Variants in MEIS2 observed in about 807,000 individuals in gnomAD.
The protein encoded by MEIS2 is homeobox protein Meis2.
Under a neutral mutation model 58.6 loss-of-function variants are expected in MEIS2, and 9 were observed. The ratio of observed to expected loss-of-function variants is 0.15; its 90% CI spans 0.09 to 0.27. The LOEUF (loss-of-function observed/expected upper bound fraction) is 0.27. Ranked by LOEUF, MEIS2 falls within the 10% of genes least tolerant of loss-of-function variation. The pLI, the probability that MEIS2 is intolerant of heterozygous loss-of-function variation, is 1.00. For synonymous variants in MEIS2, 221 were observed against 228.4 expected, an observed-to-expected ratio of 0.97 and a Z score of 0.29; for missense variants, 427 against 635.0, an observed-to-expected ratio of 0.67 and a Z score of 3.52.
At chr15:37,056,563 CA>C (rs1217079536) in intron 7 of MEIS2, among the ~76,000 whole-genome samples, 1 of 152,214 alleles carries the variant, frequency 6.6e-6, no homozygotes, top group East Asian at 1.9e-4. Context: ...CAGCCCCCGC[CA>C]GAAAGTTTTC....
Position 37,073,308 on chromosome 15 carries a change from G to A in MEIS2, c.754+10463C>T, listed in dbSNP as rs189591535. Among the ~76,000 whole-genome samples, 34 of 152,000 alleles carry A rather than the reference G, an allele frequency of 2.2e-4. 1 individual carries two copies. Among genetic ancestry groups the A allele is most frequent in the South Asian group, 4.1e-4 (2 of 4,824 alleles). On this transcript the variant is annotated intron_variant, in intron 7 of 11. Transcript: ENST00000561208. ...AGATCCACCTGCTTCCAAAACTGCC[G>A]TTTAATCTGCAACAAGCTCCCCCTA...
At chr15:37,007,922 A>G (rs1349675222) in intron 8 of MEIS2, among the ~76,000 whole-genome samples, 1 of 152,232 alleles carries the variant, frequency 6.6e-6, no homozygotes. Flanking sequence ...TTTTCAATAT[A>G]TAGCAAAACT....
chr15:36,901,301 C>T (rs2056458186), intron 9 of MEIS2: 1 of 152,208 alleles, frequency 6.6e-6, no homozygotes, highest in Non-Finnish European at 1.5e-5. Flanking sequence ...TCAAATTTCT[C>T]CATGTTTTCT....
Position 37,009,149 on chromosome 15 carries a change from C to T in MEIS2, c.900+27665G>A, listed in dbSNP as rs113788547. On this transcript the variant is annotated intron_variant, in intron 8 of 11. Coordinates refer to ENST00000561208, the MANE Select transcript of MEIS2 (RefSeq NM_170675.5). ...CTAAAAATACAAAAAATTAACCAGG[C>T]GTGGTGGCGGGCGCCTATAGTCCCA... 3.3e-5 allele frequency among the ~76,000 whole-genome samples: 5 copies of T among 151,998 alleles called. No homozygotes were observed. In the East Asian group the frequency reaches 5.8e-4, roughly 18 times the overall value.
intron 7 of MEIS2, among the ~76,000 whole-genome samples, chr15:37,083,448 T>C (rs1240906352): frequency 1.3e-5 from 2 of 152,198 alleles, no homozygotes; most frequent in Non-Finnish European, 2.9e-5. Flanking sequence ...TTCAAGCTAC[T>C]GCATCACAGC....
chr15:37,049,356 G>A (rs1222514270), intron 7 of MEIS2, among the ~76,000 whole-genome samples: 1 of 152,118 alleles, frequency 6.6e-6, no homozygotes, highest in East Asian at 1.9e-4. Context: ...CCTAAAATCG[G>A]CTGTGTTGAT....
chr15:36,963,366 C>G (rs562804104), intron 8 of MEIS2, among the ~76,000 whole-genome samples: 1 of 143,034 alleles, frequency 7.0e-6, no homozygotes, highest in African/African-American at 2.6e-5. Context: ...GGTGACAGTG[C>G]GAGACTCCAT....
intron 8 of MEIS2, among the ~76,000 whole-genome samples, chr15:36,980,819 T>C (rs935275508): frequency 1.3e-5 from 2 of 152,200 alleles, no homozygotes; most frequent in African/African-American, 4.8e-5. Flanking sequence ...TAAATTTTGG[T>C]ATGTGCCTAT....
At chr15:37,100,719 ATG>A (rs1207561297), upstream of MEIS2, among the ~76,000 whole-genome samples, 2 of 146,526 alleles carry the variant, frequency 1.4e-5, no homozygotes, top group East Asian at 2.1e-4. Flanking sequence ...GTGTGTGTGT[ATG>A]TGTGTGCGTG....
chr15:37,099,847 A>G lies in MEIS2; in HGVS notation c.-381T>C, dbSNP rs1365160870. 4.8e-6 allele frequency: 1 copy of G among 209,064 alleles called. No homozygotes were observed. Among genetic ancestry groups the G allele is most frequent in the Admixed American group, 5.6e-5 (1 of 17,712 alleles). 13.0% of individuals were successfully genotyped at this position (209,064 alleles called of 1,614,324 possible). A position where few individuals can be genotyped will look rare whatever the true frequency, so the allele number is the denominator to read the frequency against. ...AGAAAAAGAAGAAAAAGAAGAAAAA[A>G]ATTGTCAAGCCCCCGAACTGAAGGT... On this transcript the variant is annotated 5_prime_UTR_variant, in exon 1 of 12. Coordinates refer to ENST00000561208, the MANE Select transcript of MEIS2 (RefSeq NM_170675.5).
Position 36,890,049 on chromosome 15 carries a change from T to A in MEIS2, c.*2124A>T, listed in dbSNP as rs1449521550. The stretch of plus-strand genomic sequence containing the variant: ...TTCATTTATATAGAACCTCCATAAA[T>A]GCTGTCTGAAATGGAAAGATGGAAG... On this transcript the variant is annotated 3_prime_UTR_variant, in exon 12 of 12. Coordinates refer to ENST00000561208, the MANE Select transcript of MEIS2 (RefSeq NM_170675.5). 6.6e-6 allele frequency: 1 copy of A among 152,202 alleles called. No individual in the cohort carries two copies. The highest frequency in any genetic ancestry group is 1.9e-4 in the East Asian group (1 of 5,196). The allele number at this position is 152,202 out of a possible 1,614,324, so 9.4% of individuals were successfully genotyped here.
intron 8 of MEIS2, among the ~76,000 whole-genome samples, chr15:36,962,436 C>A (rs1313357783): frequency 6.6e-6 from 1 of 152,128 alleles, no homozygotes; most frequent in Non-Finnish European, 1.5e-5. Flanking sequence ...ATAACCTATG[C>A]ACATCCTCCT....
At chr15:36,893,092 TC>T (rs1002421825) in intron 11 of MEIS2, among the ~76,000 whole-genome samples, 1 of 151,814 alleles carries the variant, frequency 6.6e-6, no homozygotes, top group Non-Finnish European at 1.5e-5. Context: ...TCTCTGAAAA[TC>T]CCCCCAAATA....
chr15:36,948,092 C>A (rs1030425544), intron 9 of MEIS2, among the ~76,000 whole-genome samples: 2 of 151,680 alleles, frequency 1.3e-5, no homozygotes, highest in Non-Finnish European at 2.9e-5. Flanking sequence ...AGACTTGGAC[C>A]CGAGGGCAGG....
At chr15:36,979,187 C>T (rs2059852278) in intron 8 of MEIS2, among the ~76,000 whole-genome samples, 1 of 152,012 alleles carries the variant, frequency 6.6e-6, no homozygotes, top group African/African-American at 2.4e-5. Context: ...TTGTTTTGTA[C>T]ATAAAATTAT....
chr15:36,959,807 C>T (rs1268221504), intron 8 of MEIS2, among the ~76,000 whole-genome samples: 1 of 152,030 alleles, frequency 6.6e-6, no homozygotes, highest in Non-Finnish European at 1.5e-5. Context: ...TTAATTTATT[C>T]ATTTTAAATA....
chr15:36,908,819 A>G (rs929194595), intron 9 of MEIS2, among the ~76,000 whole-genome samples: 4 of 152,072 alleles, frequency 2.6e-5, no homozygotes, highest in Admixed American at 2.6e-4. Context: ...GATGCCTGCA[A>G]TCCCAGCTAC....
intron 8 of MEIS2, among the ~76,000 whole-genome samples, chr15:37,029,774 T>A (rs1225172140): frequency 6.6e-6 from 1 of 152,180 alleles, no homozygotes; most frequent in Non-Finnish European, 1.5e-5. Context: ...ATAACTTTCA[T>A]TTTGATGGTA....
chr15:37,088,971 T>C (rs541410135), intron 6 of MEIS2, among the ~76,000 whole-genome samples: 2 of 152,290 alleles, frequency 1.3e-5, no homozygotes, highest in East Asian at 1.9e-4. Context: ...TTGTTTAATT[T>C]CATCTCATCA....
Sources: allele counts gnomAD v4.1 joint callset (sites outside exome capture counted in the v4.1 genomes callset), GRCh38; gene constraint gnomAD v4.1.1; transcripts MANE v1.5; gene names NCBI Gene and HGNC (gene_info 2026-07-23, HGNC 2026-07-21).